Variants in SLC1A3 observed in about 807,000 individuals in gnomAD.
The protein encoded by SLC1A3 is excitatory amino acid transporter 1.
A neutral mutation model predicts 48.1 loss-of-function variants in SLC1A3; 21 were observed. The observed-to-expected ratio is 0.44, with a 90% CI of 0.31 to 0.63. The LOEUF (loss-of-function observed/expected upper bound fraction) is 0.63, where lower values mean the gene tolerates loss of function less well. Ranked by LOEUF, SLC1A3 falls within the 20% of genes least tolerant of loss-of-function variation. SLC1A3 has a pLI of 0.08. For missense variants in SLC1A3, 546 were observed against 689.0 expected (o/e 0.79, Z 2.32); for synonymous variants, 239 against 251.4 (o/e 0.95, Z 0.47).
intron 2 of SLC1A3, among the ~76,000 whole-genome samples, chr5:36,627,569 C>A (rs1035700180): frequency 6.6e-6 from 1 of 151,734 alleles, no homozygotes; most frequent in African/African-American, 2.4e-5. Context: ...GTGAAAAATG[C>A]CAAACAACCT....
At chr5:36,679,207 C>T (rs1031458483) in intron 6 of SLC1A3, among the ~76,000 whole-genome samples, 2 of 152,112 alleles carry the variant, frequency 1.3e-5, no homozygotes, top group South Asian at 4.2e-4. Context: ...TCCGGCTGTT[C>T]AGGACACTTA....
intron 3 of SLC1A3, among the ~76,000 whole-genome samples, chr5:36,652,626 T>G (rs1741130580): frequency 6.6e-6 from 1 of 152,150 alleles, no homozygotes; most frequent in East Asian, 1.9e-4. Flanking sequence ...GAGTTACCCA[T>G]GGAGCAAGAA....
chr5:36,657,841 C>T (rs1008173584), intron 3 of SLC1A3, among the ~76,000 whole-genome samples: 2 of 152,190 alleles, frequency 1.3e-5, no homozygotes, highest in African/African-American at 2.4e-5. Context: ...TGAATGTAGC[C>T]GTGTGCTTCC....
chr5:36,646,024 T>C (rs1333546892), intron 3 of SLC1A3, among the ~76,000 whole-genome samples: 3 of 152,244 alleles, frequency 2.0e-5, no homozygotes, highest in African/African-American at 7.2e-5. Context: ...TATGTAGTGA[T>C]TACAAGACAT....
intron 2 of SLC1A3, among the ~76,000 whole-genome samples, chr5:36,628,534 C>T (rs543345350): frequency 6.6e-6 from 1 of 152,204 alleles, no homozygotes; most frequent in African/African-American, 2.4e-5. Context: ...AATAGCAAGG[C>T]AAAAACTTTA....
chr5:36,631,889 G>A (rs1324679253), intron 3 of SLC1A3, among the ~76,000 whole-genome samples: 1 of 152,222 alleles, frequency 6.6e-6, no homozygotes, highest in Non-Finnish European at 1.5e-5. Flanking sequence ...GACCCCTGGA[G>A]GATCCCTGTG....
At chr5:36,656,465 A>G (rs1421806205) in intron 3 of SLC1A3, among the ~76,000 whole-genome samples, 1 of 152,204 alleles carries the variant, frequency 6.6e-6, no homozygotes, top group Non-Finnish European at 1.5e-5. Context: ...CATGAGCTAA[A>G]TATTTTTCAT....
chr5:36,597,842 T>C (rs944664143), intron 1 of SLC1A3, among the ~76,000 whole-genome samples: 3 of 152,236 alleles, frequency 2.0e-5, no homozygotes, highest in African/African-American at 7.2e-5. Context: ...GCCTCTTCCA[T>C]GAAACCCTCC....
chr5:36,684,297 C>T (rs1742558301), intron 9 of SLC1A3, among the ~76,000 whole-genome samples: 1 of 152,228 alleles, frequency 6.6e-6, no homozygotes, highest in South Asian at 2.1e-4. Flanking sequence ...CATAAATCAG[C>T]AAGGCTGTTT....
upstream of SLC1A3, among the ~76,000 whole-genome samples, chr5:36,602,723 TG>T (rs1353662915): frequency 2.0e-5 from 3 of 152,114 alleles, no homozygotes; most frequent in South Asian, 2.1e-4. Context: ...GGAATCTATT[TG>T]GGGGGGTTCC....
chr5:36,605,555 T>C (rs1044802970), upstream of SLC1A3, among the ~76,000 whole-genome samples: 1 of 152,182 alleles, frequency 6.6e-6, no homozygotes, highest in African/African-American at 2.4e-5. Flanking sequence ...TGTTGAATAA[T>C]AGACCAAGAA....
At chr5:36,606,938 G>C (rs1293923653) in intron 1 of SLC1A3, 1 of 152,396 alleles carries the variant, frequency 6.6e-6, no homozygotes, top group Admixed American at 6.6e-5. Flanking sequence ...TGAGTCATTC[G>C]GGGTGGATTG....
At chr5:36,677,680 G>T (rs954773469) in intron 6 of SLC1A3, among the ~76,000 whole-genome samples, 3 of 152,212 alleles carry the variant, frequency 2.0e-5, no homozygotes, top group South Asian at 2.1e-4. Flanking sequence ...CTAGGAGAAG[G>T]CACAAAGTTT....
intron 3 of SLC1A3, among the ~76,000 whole-genome samples, chr5:36,655,866 G>A (rs1427785060): frequency 6.6e-6 from 1 of 152,168 alleles, no homozygotes; most frequent in African/African-American, 2.4e-5. Context: ...GTGGAATTAT[G>A]TTCACTACAA....
Position 36,639,824 on chromosome 5 carries a change from C to T in SLC1A3, c.319+10237C>T, listed in dbSNP as rs565594482. Among the ~76,000 whole-genome samples the T allele has an allele frequency of 1.2e-4, 18 of 152,174 alleles. 1 individual carries two copies. The highest frequency in any genetic ancestry group is 3.1e-4 in the African/African-American group (13 of 41,440). On this transcript the variant is annotated intron_variant, in intron 3 of 9. Transcript: ENST00000265113. ...ATATATAAGGGAAAACATGAAAGTA[C>T]GCTGCGCATGCACGCACGCACACAC...
chr5:36,598,646 AT>A (rs1738770768), intron 1 of SLC1A3, among the ~76,000 whole-genome samples: 1 of 152,112 alleles, frequency 6.6e-6, no homozygotes, highest in South Asian at 2.1e-4. Context: ...AGTGAAATTA[AT>A]TTTTTTCTTT....
chr5:36,675,178 T>G (rs1422288217), intron 5 of SLC1A3, among the ~76,000 whole-genome samples: 1 of 152,126 alleles, frequency 6.6e-6, no homozygotes, highest in East Asian at 1.9e-4. Context: ...TTTTTCCCCT[T>G]GTAATAATTT....
intron 2 of SLC1A3, chr5:36,608,832 T>C (rs1017709185): frequency 1.6e-6 from 2 of 1,285,806 alleles, no homozygotes; most frequent in Admixed American, 3.7e-5. Flanking sequence ...AAATCAATTG[T>C]GTGAGGAAGA....
At chr5:36,600,664 C>A (rs558678347) in intron 1 of SLC1A3, among the ~76,000 whole-genome samples, 3 of 152,250 alleles carry the variant, frequency 2.0e-5, no homozygotes, top group Admixed American at 2.0e-4. Flanking sequence ...CCTCATAAGG[C>A]AATGGGAATT....
Sources: gnomAD v4.1 joint callset for allele counts (sites outside exome capture counted in the v4.1 genomes callset) on GRCh38, gnomAD v4.1.1 for gene constraint, MANE v1.5 for transcripts, NCBI Gene and HGNC (gene_info 2026-07-23, HGNC 2026-07-21) for gene names.